The following SMYD1 variants were observed in gnomAD, a reference collection of about 807,000 sequenced individuals.
SMYD1 encodes histone-lysine N-methyltransferase SMYD1.
Under a neutral mutation model 54.0 loss-of-function variants are expected in SMYD1, and 49 were observed. That is an observed-to-expected ratio of 0.91 (90% CI 0.72 to 1.15). The LOEUF is 1.15. SMYD1 is among the 50% of genes most tolerant of loss of function. The pLI is 0.00. For missense variants in SMYD1, 653 were observed against 639.6 expected (o/e 1.02, Z -0.23); for synonymous variants, 269 against 234.2 (o/e 1.15, Z -1.36).
Position 88,111,793 on chromosome 2 carries a change from T to G in SMYD1, c.*1281T>G. On this transcript the variant is annotated 3_prime_UTR_variant, in exon 10 of 10. Coordinates refer to ENST00000419482, the MANE Select transcript of SMYD1 (RefSeq NM_198274.4). ...CTGTTATCTACTGAGACCCCAAATT[T>G]CTCACCAATGTTTTGGGAGATCCTG... The G allele has an allele frequency of 2.7e-6, 1 of 369,528 alleles. No homozygotes were observed. The highest frequency in any genetic ancestry group is 5.0e-6 in the Non-Finnish European group (1 of 200,268). The allele number at this position is 369,528 out of a possible 1,614,324, so 22.9% of individuals were successfully genotyped here.
At chr2:88,088,896 C>T (rs1027332179) in intron 3 of SMYD1, among the ~76,000 whole-genome samples, 6 of 152,148 alleles carry the variant, frequency 3.9e-5, no homozygotes, top group African/African-American at 1.2e-4. Flanking sequence ...TGAGGAGGCT[C>T]AGGTCCTGGC....
intron 2 of SMYD1, among the ~76,000 whole-genome samples, chr2:88,086,292 AG>A: frequency 6.6e-6 from 1 of 152,164 alleles, no homozygotes; most frequent in Middle Eastern, 3.4e-3. Context: ...AAATGAGGAG[AG>A]GGCCTGTGCT....
At position 88,106,306 on chromosome 2, in the gene SMYD1, G is replaced by A. The variant is rs753630765; in HGVS notation, c.982-19G>A. 1.6e-5 allele frequency: 26 copies of A among 1,612,950 alleles called. No individual in the cohort carries two copies. Among genetic ancestry groups the A allele is most frequent in the Non-Finnish European group, 2.2e-5 (26 of 1,179,236 alleles). On this transcript the variant is annotated intron_variant, in intron 7 of 9. Coordinates refer to ENST00000419482, the MANE Select transcript of SMYD1 (RefSeq NM_198274.4). Reference sequence around the variant, plus strand: ...GCTCTGGTGCAATGGTAATGGGCAGGGCCTCTGTCTCACTCTAGGTTGTGA... The same window carrying A: ...GCTCTGGTGCAATGGTAATGGGCAGAGCCTCTGTCTCACTCTAGGTTGTGA...
chr2:88,110,209 G>GTGTGTGTT, intron 9 of SMYD1, 145 bp from the exon 10 acceptor site: 1 of 750,242 alleles, frequency 1.3e-6, no homozygotes, highest in South Asian at 1.9e-5. Flanking sequence ...GAGTGTGTGT[G>GTGTGTGTT]TGTGTGTGTG....
chr2:88,074,843 C>A lies in SMYD1; in HGVS notation c.137+6842C>A, dbSNP rs200313524. On this transcript the variant is annotated intron_variant, in intron 1 of 9. Coordinates refer to ENST00000419482, the MANE Select transcript of SMYD1 (RefSeq NM_198274.4). ...ACCAGGCTTTTTTTGAAAATGGAAC[C>A]AGTTATGAGCTTTCTTAGGTGCGGC... 3.3e-5 allele frequency among the ~76,000 whole-genome samples: 5 copies of A among 152,078 alleles called. 1 individual carries two copies. Among genetic ancestry groups the A allele is most frequent in the Admixed American group, 3.3e-4 (5 of 15,276 alleles).
chr2:88,096,790 C>G lies in SMYD1; in HGVS notation c.888+6C>G, dbSNP rs1248775078. On this transcript the variant is annotated splice_donor_region_variant and intron_variant, in intron 6 of 9. Coordinates refer to ENST00000419482, the MANE Select transcript of SMYD1 (RefSeq NM_198274.4). The stretch of plus-strand genomic sequence containing the variant: ...GGGTGAAAGACAACCCCAAGGTACA[C>G]ACAGCCCTGCTGCTGAGGTGTTTGT... 1 of 1,610,148 alleles carries G rather than the reference C, an allele frequency of 6.2e-7. No homozygotes were observed. Among genetic ancestry groups the G allele is most frequent in the Non-Finnish European group, 8.5e-7 (1 of 1,178,270 alleles).
intron 6 of SMYD1, among the ~76,000 whole-genome samples, chr2:88,101,853 G>A (rs138703374): frequency 0.048 from 7,255 of 152,250 alleles, 216 homozygotes; most frequent in Middle Eastern, 0.15. Flanking sequence ...TAATCTGCCC[G>A]CCTGGGCCTC....
rs750307400 is a variant in SMYD1, at chr2:88,110,527, A to G, written c.*15A>G. 6.5e-7 allele frequency: 1 copy of G among 1,546,072 alleles called. No homozygotes were observed. On this transcript the variant is annotated 3_prime_UTR_variant, in exon 10 of 10. Transcript: ENST00000419482. The stretch of plus-strand genomic sequence containing the variant: ...AGAAGCAATGAGGACTGCCCAGTGG[A>G]GGAGGGGCGATGTGGCTGGGGAGCT...
rs1675023513 is a variant in SMYD1 at position 88,111,611 on chromosome 2, C to T, written c.*1099C>T. On this transcript the variant is annotated 3_prime_UTR_variant, in exon 10 of 10. Transcript: ENST00000419482. The stretch of plus-strand genomic sequence containing the variant: ...GCCCTGGGGGCTTCTGCTCTTCTCA[C>T]CAGAAAGAACATTTGAATCTGGATT... 6.4e-6 allele frequency: 1 copy of T among 156,672 alleles called. No individual in the cohort carries two copies. The highest frequency in any genetic ancestry group is 2.0e-4 in the South Asian group (1 of 5,104). The allele number at this position is 156,672 out of a possible 1,614,324, so 9.7% of individuals were successfully genotyped here.
At chr2:88,088,276 C>T (rs1189881030) in intron 3 of SMYD1, among the ~76,000 whole-genome samples, 2 of 152,184 alleles carry the variant, frequency 1.3e-5, no homozygotes, top group African/African-American at 4.8e-5. Flanking sequence ...TTCTATTTAC[C>T]GCATGTAGCA....
intron 5 of SMYD1, among the ~76,000 whole-genome samples, chr2:88,093,825 C>G (rs1674516011): frequency 6.6e-6 from 1 of 152,124 alleles, no homozygotes; most frequent in African/African-American, 2.4e-5. Flanking sequence ...AAGCATGAAC[C>G]CTTGTAGTCC....
intron 6 of SMYD1, among the ~76,000 whole-genome samples, chr2:88,101,750 C>T (rs1193824639): frequency 6.6e-6 from 1 of 152,136 alleles, no homozygotes; most frequent in Non-Finnish European, 1.5e-5. Flanking sequence ...GGACTACAGA[C>T]GTGTGCCACT....
chr2:88,095,611 C>T (rs1189132615), intron 5 of SMYD1, among the ~76,000 whole-genome samples: 1 of 152,176 alleles, frequency 6.6e-6, no homozygotes, highest in African/African-American at 2.4e-5. Context: ...TCTCCCCAGC[C>T]CTCTGCATCC....
intron 2 of SMYD1, among the ~76,000 whole-genome samples, chr2:88,087,127 G>A (rs61410754): frequency 1.4e-5 from 2 of 145,240 alleles, no homozygotes; most frequent in South Asian, 2.2e-4. Context: ...ACACAATGCA[G>A]ACACCTATTA....
At chr2:88,068,110 CT>C in intron 1 of SMYD1, 109 bp downstream of exon 1, 1 of 1,415,542 alleles carries the variant, frequency 7.1e-7, no homozygotes, top group Non-Finnish European at 9.5e-7. Flanking sequence ...TTCATGTGCT[CT>C]TTTTTCAACA....
intron 6 of SMYD1, among the ~76,000 whole-genome samples, chr2:88,098,472 A>T (rs1361561091): frequency 6.6e-6 from 1 of 152,194 alleles, no homozygotes; most frequent in Non-Finnish European, 1.5e-5. Context: ...AACCTACCTG[A>T]ATTCAAGGCA....
chr2:88,106,597 G>A, intron 8 of SMYD1, 109 bp downstream of exon 8: 1 of 1,151,392 alleles, frequency 8.7e-7, no homozygotes, highest in Non-Finnish European at 1.2e-6. Context: ...ACCCACAGCA[G>A]GCGTCAGTAA....
At chr2:88,076,177 C>T (rs1053442152) in intron 1 of SMYD1, among the ~76,000 whole-genome samples, 11 of 152,192 alleles carry the variant, frequency 7.2e-5, no homozygotes, top group Non-Finnish European at 1.0e-4. Flanking sequence ...TGTCCCATCC[C>T]AGCCTGGGGA....
chr2:88,100,728 C>T (rs766162856), intron 6 of SMYD1, among the ~76,000 whole-genome samples: 9 of 152,102 alleles, frequency 5.9e-5, no homozygotes, highest in Admixed American at 3.9e-4. Context: ...AACAGCATTC[C>T]GGGGCACAAG....
Sources: allele counts gnomAD v4.1 joint callset (sites outside exome capture counted in the v4.1 genomes callset), GRCh38; gene constraint gnomAD v4.1.1; transcripts MANE v1.5; gene names NCBI Gene and HGNC (gene_info 2026-07-23, HGNC 2026-07-21).